The following EFR3B variants were observed in gnomAD, a reference collection of about 807,000 sequenced individuals.
EFR3B encodes EFR3 homolog B, also known as protein EFR3 homolog B.
Under a neutral mutation model 104.7 loss-of-function variants are expected in EFR3B, and 64 were observed. That is an observed-to-expected ratio of 0.61 (90% confidence interval 0.50 to 0.75). The LOEUF (loss-of-function observed/expected upper bound fraction) is 0.75. EFR3B is among the 30% of genes least tolerant of loss of function. The pLI is 0.00. For synonymous variants in EFR3B, 385 were observed against 417.9 expected (o/e 0.92, Z 0.96); for missense variants, 750 against 1,078.5 (o/e 0.70, Z 4.27).
chr2:25,076,947 C>T (rs1668647760), intron 1 of EFR3B, among the ~76,000 whole-genome samples: 1 of 152,218 alleles, frequency 6.6e-6, no homozygotes, highest in African/African-American at 2.4e-5. Flanking sequence ...ATTCTACTCC[C>T]GGTAAGATCT....
rs538513040 is a variant in EFR3B at position 25,118,614 on chromosome 2, G to A, written c.364-3059G>A. Among the ~76,000 whole-genome samples, 5 of 149,804 alleles carry A rather than the reference G, an allele frequency of 3.3e-5. No homozygotes were observed. In the Admixed American group the frequency reaches 3.4e-4, roughly 10 times the overall value. On this transcript the variant is annotated intron_variant, in intron 4 of 22. Transcript: ENST00000403714. The stretch of plus-strand genomic sequence containing the variant: ...TTACGTTAACTGGCTTAACCGTGGT[G>A]ACTATTTCACAGCGTATGTCAAAAA...
At chr2:25,100,459 T>C (rs989359890) in intron 3 of EFR3B, among the ~76,000 whole-genome samples, 2 of 152,194 alleles carry the variant, frequency 1.3e-5, no homozygotes, top group Non-Finnish European at 1.5e-5. Flanking sequence ...GGCACCCCAT[T>C]AGGCTTTACA....
At chr2:25,143,146 G>A (rs557980491) in intron 17 of EFR3B, among the ~76,000 whole-genome samples, 6 of 152,058 alleles carry the variant, frequency 3.9e-5, no homozygotes, top group African/African-American at 1.2e-4. Flanking sequence ...AACCTGGGAG[G>A]TGGAGCTTGC....
In EFR3B at chr2:25,137,390, C is replaced by T. The variant is rs1373448941; in HGVS notation, c.1610C>T (p.Thr537Ile). The change falls in exon 15 of 23, where the codon ACA (threonine) becomes ATA (isoleucine). Residue 537 changes from threonine to isoleucine, a missense_variant. By Grantham distance (89) the Thr-to-Ile change is moderately conservative. Coordinates refer to ENST00000403714, the MANE Select transcript of EFR3B (RefSeq NM_014971.2). The surrounding 1 kb of genome is among the most constrained non-coding windows in gnomAD (Gnocchi z 4.7). Reference sequence around the variant, plus strand: ...ATCTACCTGAGCTGCAAGGAGGAAACAAACGTGCAGAAACACTACGAGGCG... The same window carrying T: ...ATCTACCTGAGCTGCAAGGAGGAAATAAACGTGCAGAAACACTACGAGGCG... ...RHIYLSCKEE[T>I]NVQKHYEALY... 23 of 1,551,940 alleles carry T rather than the reference C, an allele frequency of 1.5e-5. No individual in the cohort carries two copies. Among genetic ancestry groups the T allele is most frequent in the Non-Finnish European group, 1.9e-5 (22 of 1,147,108 alleles).
chr2:25,104,607 G>A (rs1309096833), intron 4 of EFR3B, among the ~76,000 whole-genome samples: 1 of 152,152 alleles, frequency 6.6e-6, no homozygotes, highest in African/African-American at 2.4e-5. Flanking sequence ...GCACGCTATG[G>A]GGGCATATCT....
rs927509531 is a variant in EFR3B, at chr2:25,157,394, T to G, written c.*3054T>G. 3.3e-5 allele frequency: 5 copies of G among 152,356 alleles called. No individual in the cohort carries two copies. The highest frequency in any genetic ancestry group is 2.0e-4 in the Admixed American group (3 of 15,276). 9.4% of individuals were successfully genotyped at this position (152,356 alleles called of 1,614,324 possible). On this transcript the variant is annotated 3_prime_UTR_variant, in exon 23 of 23. Transcript: ENST00000403714. ...GGCCCTGGGAGAGAGGCAAAGCAGTTTGATGGGATCTGGAGGGGAGGGAGG... is the reference window on the plus strand; with the variant it reads ...GGCCCTGGGAGAGAGGCAAAGCAGTGTGATGGGATCTGGAGGGGAGGGAGG...
chr2:25,120,102 C>A (rs1669971752), intron 4 of EFR3B, among the ~76,000 whole-genome samples: 1 of 152,130 alleles, frequency 6.6e-6, no homozygotes, highest in Non-Finnish European at 1.5e-5. Context: ...TGCCTATAAT[C>A]CCAGCACTTT....
chr2:25,082,870 T>A (rs761141343), intron 1 of EFR3B, among the ~76,000 whole-genome samples: 15 of 152,152 alleles, frequency 9.9e-5, no homozygotes, highest in Non-Finnish European at 1.9e-4. Flanking sequence ...TAAAGTGGAA[T>A]GCTGGTCAGG....
intron 1 of EFR3B, among the ~76,000 whole-genome samples, chr2:25,072,996 A>G (rs144036351): frequency 6.6e-6 from 1 of 152,382 alleles, no homozygotes; most frequent in African/African-American, 2.4e-5. Flanking sequence ...ATTGTTTTAA[A>G]TAGCATGAAA....
At chr2:25,100,179 A>G (rs981959230) in intron 3 of EFR3B, among the ~76,000 whole-genome samples, 4 of 152,112 alleles carry the variant, frequency 2.6e-5, no homozygotes, top group African/African-American at 9.7e-5. Context: ...ACTCCAGCCT[A>G]AGCAACAAGA....
chr2:25,138,198 A>C (rs1670571770), intron 15 of EFR3B, among the ~76,000 whole-genome samples: 1 of 152,226 alleles, frequency 6.6e-6, no homozygotes, highest in South Asian at 2.1e-4. Context: ...AAAATTAAAA[A>C]AAGATTCTCT....
chr2:25,138,047 G>A (rs1217827540), intron 15 of EFR3B, among the ~76,000 whole-genome samples: 1 of 152,128 alleles, frequency 6.6e-6, no homozygotes, highest in Non-Finnish European at 1.5e-5. Context: ...TGGTGCATGC[G>A]TGTAGTCCCA....
At chr2:25,080,844 A>T in intron 1 of EFR3B, 1 of 865,700 alleles carries the variant, frequency 1.2e-6, no homozygotes, top group Non-Finnish European at 2.0e-6. Flanking sequence ...TTTATTTCTT[A>T]TCATGGTTGC....
Position 25,158,496 on chromosome 2 carries a change from C to T in EFR3B, c.*4156C>T, listed in dbSNP as rs1671234146. On this transcript the variant is annotated 3_prime_UTR_variant, in exon 23 of 23. Coordinates refer to ENST00000403714, the MANE Select transcript of EFR3B (RefSeq NM_014971.2). ...CTAGAAATCTTCTGGTTAGAGTGGCCCCTTACCCCAAATCTGGCCTAGGTC... is the reference window on the plus strand; with the variant it reads ...CTAGAAATCTTCTGGTTAGAGTGGCTCCTTACCCCAAATCTGGCCTAGGTC... 6.6e-6 allele frequency: 1 copy of T among 152,278 alleles called. No homozygotes were observed. The highest frequency in any genetic ancestry group is 2.4e-5 in the African/African-American group (1 of 41,442). The allele number at this position is 152,278 out of a possible 1,614,324, so 9.4% of individuals were successfully genotyped here. A position where few individuals can be genotyped will look rare whatever the true frequency, so the allele number is the denominator to read the frequency against.
chr2:25,067,852 G>GA lies in EFR3B; in HGVS notation c.8-23464dup, dbSNP rs1266235175. ...AATGTTAAAACTTTTTTTTCTTTTG[G>GA]AAAAAAAAATAGAGATGGGGATCTC... On this transcript the variant is annotated intron_variant, in intron 1 of 22. Transcript: ENST00000403714. 3.3e-5 allele frequency among the ~76,000 whole-genome samples: 5 copies of GA among 149,332 alleles called. No individual in the cohort carries two copies. The East Asian group carries it at 7.8e-4, about 23-fold the overall frequency.
At chr2:25,059,778 G>A (rs547269489) in intron 1 of EFR3B, among the ~76,000 whole-genome samples, 18 of 151,036 alleles carry the variant, frequency 1.2e-4, no homozygotes, top group African/African-American at 4.4e-4. Flanking sequence ...GGGAGGCCGA[G>A]GCAGGAGAAT....
intron 3 of EFR3B, among the ~76,000 whole-genome samples, chr2:25,103,064 C>T (rs569395601): frequency 2.0e-4 from 31 of 152,224 alleles, no homozygotes; most frequent in Non-Finnish European, 4.1e-4. Flanking sequence ...ACTTCCTCCC[C>T]ACTCGAGCCA....
intron 1 of EFR3B, among the ~76,000 whole-genome samples, chr2:25,043,714 G>A (rs913117860): frequency 2.6e-5 from 4 of 152,326 alleles, no homozygotes; most frequent in Middle Eastern, 3.4e-3. Context: ...TGCTTTATAA[G>A]CCAGAGGTTG....
Position 25,131,598 on chromosome 2 carries a change from T to G in EFR3B, c.985+95T>G. The stretch of plus-strand genomic sequence containing the variant: ...AAGGGACAACAGGGAGGGGTCGGAG[T>G]CCGTTTTCCTCGGGAGAAGTCCGCC... On this transcript the variant is annotated intron_variant, in intron 9 of 22. Coordinates refer to ENST00000403714, the MANE Select transcript of EFR3B (RefSeq NM_014971.2). The surrounding 1 kb of genome is among the most constrained non-coding windows in gnomAD (Gnocchi z 7.6). 9 of 1,508,892 alleles carry G rather than the reference T, an allele frequency of 6.0e-6. No homozygotes were observed. The highest frequency in any genetic ancestry group is 8.0e-6 in the Non-Finnish European group (9 of 1,123,072). 93.5% of individuals were successfully genotyped at this position (1,508,892 alleles called of 1,614,324 possible). A position where few individuals can be genotyped will look rare whatever the true frequency, so the allele number is the denominator to read the frequency against.
Sources: gnomAD v4.1 joint callset for allele counts (sites outside exome capture counted in the v4.1 genomes callset) on GRCh38, gnomAD v4.1.1 for gene constraint, Gnocchi (gnomAD v3.1) non-coding constraint, MANE v1.5 for transcripts, NCBI Gene and HGNC (gene_info 2026-07-23, HGNC 2026-07-21) for gene names.